Variants in NKAIN2 observed in about 807,000 individuals in gnomAD.
The protein encoded by NKAIN2 is sodium/potassium-transporting ATPase subunit beta-1-interacting protein 2.
A neutral mutation model predicts 32.6 loss-of-function variants in NKAIN2; 14 were observed. That is an observed-to-expected ratio of 0.43 (90% CI 0.28 to 0.67). The LOEUF (loss-of-function observed/expected upper bound fraction) is 0.67. Ranked by LOEUF, NKAIN2 falls within the 30% of genes least tolerant of loss-of-function variation. The probability of loss-of-function intolerance (pLI) is 0.17; values close to 1 mark genes in which losing one functional copy is unlikely to be tolerated. For synonymous variants in NKAIN2, 80 were observed against 87.2 expected (o/e 0.92, Z 0.46); for missense variants, 198 against 258.3 (o/e 0.77, Z 1.60).
chr6:124,288,814 A>G (rs1451285711), intron 2 of NKAIN2, among the ~76,000 whole-genome samples: 1 of 152,192 alleles, frequency 6.6e-6, no homozygotes, highest in African/African-American at 2.4e-5. Flanking sequence ...AATACTCAAA[A>G]CATATTGGAA....
At chr6:123,804,417 T>G (rs1001414955) in intron 1 of NKAIN2, among the ~76,000 whole-genome samples, 163 bp downstream of exon 1, 1 of 152,204 alleles carries the variant, frequency 6.6e-6, no homozygotes, top group South Asian at 2.1e-4. Flanking sequence ...AGACGCACTC[T>G]GGGGTACAGG....
intron 3 of NKAIN2, among the ~76,000 whole-genome samples, chr6:124,446,979 A>G (rs1319696778): frequency 6.6e-6 from 1 of 152,128 alleles, no homozygotes; most frequent in Non-Finnish European, 1.5e-5. Context: ...GACAGCCCCA[A>G]CAACAACGAA....
At chr6:124,128,410 G>A (rs1786293410) in intron 1 of NKAIN2, among the ~76,000 whole-genome samples, 1 of 151,778 alleles carries the variant, frequency 6.6e-6, no homozygotes, top group African/African-American at 2.4e-5. Flanking sequence ...TGTAGTTATG[G>A]GCTACTAAAT....
At chr6:124,705,331 A>G (rs1775004081) in intron 4 of NKAIN2, among the ~76,000 whole-genome samples, 1 of 152,114 alleles carries the variant, frequency 6.6e-6, no homozygotes. Context: ...TGTTCAGAAC[A>G]AGATAAAAAT....
intron 3 of NKAIN2, among the ~76,000 whole-genome samples, chr6:124,358,114 T>C (rs959257118): frequency 2.0e-5 from 3 of 152,230 alleles, no homozygotes; most frequent in African/African-American, 7.2e-5. Flanking sequence ...CTCATCATTT[T>C]TTATGGCTGC....
intron 1 of NKAIN2, among the ~76,000 whole-genome samples, chr6:124,257,421 C>T (rs1400724716): frequency 6.6e-6 from 1 of 152,148 alleles, no homozygotes; most frequent in Non-Finnish European, 1.5e-5. Context: ...TTTCAACTCA[C>T]CCAGAACTAA....
chr6:124,502,943 G>GA (rs1377368962), intron 3 of NKAIN2, among the ~76,000 whole-genome samples: 1 of 151,904 alleles, frequency 6.6e-6, no homozygotes, highest in African/African-American at 2.4e-5. Flanking sequence ...CTTGTTTCTT[G>GA]ATTTTTCTAT....
At chr6:124,459,733 A>G (rs1038865263) in intron 3 of NKAIN2, among the ~76,000 whole-genome samples, 2 of 151,820 alleles carry the variant, frequency 1.3e-5, no homozygotes, top group Non-Finnish European at 2.9e-5. Context: ...TAATATAACT[A>G]TAGTCATCTC....
chr6:124,205,712 A>G (rs533999862), intron 1 of NKAIN2, among the ~76,000 whole-genome samples: 1 of 140,756 alleles, frequency 7.1e-6, no homozygotes, highest in Non-Finnish European at 1.6e-5. Flanking sequence ...ACTCAAGGGC[A>G]TGGATCTACA....
At chr6:123,850,238 C>T (rs1378549793) in intron 1 of NKAIN2, among the ~76,000 whole-genome samples, 1 of 151,076 alleles carries the variant, frequency 6.6e-6, no homozygotes, top group Non-Finnish European at 1.5e-5. Flanking sequence ...ATTGAGGAAC[C>T]CCAAATTAGC....
chr6:124,397,409 C>A (rs1426186234), intron 3 of NKAIN2, among the ~76,000 whole-genome samples: 1 of 151,968 alleles, frequency 6.6e-6, no homozygotes, highest in Non-Finnish European at 1.5e-5. Context: ...TATAATTACT[C>A]CAAATAATAG....
chr6:124,732,223 C>A (rs1242750560), intron 4 of NKAIN2, among the ~76,000 whole-genome samples: 1 of 152,002 alleles, frequency 6.6e-6, no homozygotes, highest in African/African-American at 2.4e-5. Flanking sequence ...GTGGGAATAG[C>A]CTTCTTCAAT....
intron 1 of NKAIN2, among the ~76,000 whole-genome samples, chr6:124,083,160 T>C (rs1784050505): frequency 6.6e-6 from 1 of 151,922 alleles, no homozygotes; most frequent in African/African-American, 2.4e-5. Flanking sequence ...TAATTTTAAA[T>C]TATAATTCAA....
At chr6:124,718,140 G>A (rs538607244) in intron 4 of NKAIN2, among the ~76,000 whole-genome samples, 1 of 151,932 alleles carries the variant, frequency 6.6e-6, no homozygotes, top group South Asian at 2.1e-4. Flanking sequence ...GATTTTTTTA[G>A]TATAATCACA....
At chr6:123,869,332 A>G (rs1436196337) in intron 1 of NKAIN2, among the ~76,000 whole-genome samples, 2 of 152,168 alleles carry the variant, frequency 1.3e-5, no homozygotes, top group African/African-American at 4.8e-5. Flanking sequence ...TACAGCTATA[A>G]AACCAGAAGA....
chr6:123,953,499 G>T (rs1777419914), intron 1 of NKAIN2, among the ~76,000 whole-genome samples: 1 of 152,146 alleles, frequency 6.6e-6, no homozygotes, highest in Non-Finnish European at 1.5e-5. Flanking sequence ...GGTCCATGGT[G>T]GTGTTGTTAG....
At chr6:124,580,699 C>T (rs1781488286) in intron 3 of NKAIN2, among the ~76,000 whole-genome samples, 2 of 152,112 alleles carry the variant, frequency 1.3e-5, no homozygotes, top group Non-Finnish European at 2.9e-5. Context: ...ACTCTTCAAT[C>T]AAAAGATGTA....
intron 4 of NKAIN2, among the ~76,000 whole-genome samples, chr6:124,727,955 C>A (rs1185600226): frequency 7.2e-6 from 1 of 139,358 alleles, no homozygotes; most frequent in Non-Finnish European, 1.6e-5. Flanking sequence ...TCAAAAGAGA[C>A]AAAGAAGGCC....
chr6:124,619,734 T>C (rs968985992), intron 3 of NKAIN2, among the ~76,000 whole-genome samples: 4 of 152,130 alleles, frequency 2.6e-5, no homozygotes, highest in Admixed American at 6.5e-5. Context: ...TAAAAATAAT[T>C]AGTAATGTAA....
Sources: gnomAD v4.1 joint callset for allele counts (sites outside exome capture counted in the v4.1 genomes callset) on GRCh38, gnomAD v4.1.1 for gene constraint, MANE v1.5 for transcripts, NCBI Gene and HGNC (gene_info 2026-07-23, HGNC 2026-07-21) for gene names.